The following DPP6 variants were observed in gnomAD, a reference collection of about 807,000 sequenced individuals.
DPP6 encodes dipeptidyl peptidase like 6.
Under a neutral mutation model 122.6 loss-of-function variants are expected in DPP6, and 69 were observed. The ratio of observed to expected loss-of-function variants is 0.56; its 90% CI spans 0.46 to 0.69. The LOEUF (loss-of-function observed/expected upper bound fraction) is 0.69. DPP6 is among the 30% of genes least tolerant of loss of function. The probability of loss-of-function intolerance (pLI) is 0.00; values close to 1 mark genes in which losing one functional copy is unlikely to be tolerated. For missense variants in DPP6, 928 were observed against 1,116.9 expected (o/e 0.83, Z 2.41); for synonymous variants, 418 against 433.1 (o/e 0.97, Z 0.43).
At chr7:153,764,113 CATCACAAATAG>C in the DPP6 span, among the ~76,000 whole-genome samples, 2 of 152,136 alleles carry the variant, frequency 1.3e-5, no homozygotes, top group Non-Finnish European at 1.5e-5. Context: ...GGCTCTTTTG[CATCACAAATAG>C]TATCATTTAC....
intron 7 of DPP6, among the ~76,000 whole-genome samples, chr7:154,682,425 T>C (rs1451475921): frequency 2.0e-5 from 3 of 152,210 alleles, no homozygotes; most frequent in African/African-American, 7.2e-5. Context: ...CTCCGCAGTG[T>C]CATAAGGAAC....
rs940047144 is a variant in DPP6, at chr7:154,728,984, G to C, written c.883+1097G>C. 8.5e-5 allele frequency among the ~76,000 whole-genome samples: 13 copies of C among 152,226 alleles called. 1 individual carries two copies. Among genetic ancestry groups the C allele is most frequent in the African/African-American group, 3.1e-4 (13 of 41,534 alleles). On this transcript the variant is annotated intron_variant, in intron 8 of 25. Transcript: ENST00000377770. Reference sequence around the variant, plus strand: ...ATTTGGGTTTCAATATATGAATTTGGGGGGACACAGACATTCAGTTCATAG... The same window carrying C: ...ATTTGGGTTTCAATATATGAATTTGCGGGGACACAGACATTCAGTTCATAG...
At position 154,875,873 on chromosome 7, in the gene DPP6, G is replaced by T; in HGVS notation, c.1884-33G>T. 6.3e-7 allele frequency: 1 copy of T among 1,584,660 alleles called. No homozygotes were observed. Among genetic ancestry groups the T allele is most frequent in the South Asian group, 1.1e-5 (1 of 87,446 alleles). On this transcript the variant is annotated intron_variant, in intron 19 of 25. Transcript: ENST00000377770. The surrounding 1 kb of genome is among the most constrained non-coding windows in gnomAD (Gnocchi z 4.5). ...TAGACCAGCCGCCACCCACCACGCA[G>T]CAGGCCTGCTGAGCCCGGGATTCTC... is the stretch of plus-strand genomic sequence containing the variant.
chr7:153,844,560 TA>T, the DPP6 span, among the ~76,000 whole-genome samples: 5 of 152,208 alleles, frequency 3.3e-5, no homozygotes, highest in African/African-American at 1.2e-4. Flanking sequence ...TTGATGATTT[TA>T]ACATGTCAGG....
At chr7:154,113,423 A>G (rs1271178942) in intron 1 of DPP6, among the ~76,000 whole-genome samples, 2 of 151,206 alleles carry the variant, frequency 1.3e-5, no homozygotes, top group South Asian at 2.1e-4. Flanking sequence ...ACACACACAC[A>G]CACACACATA....
chr7:154,375,182 G>A (rs776040096), intron 1 of DPP6, among the ~76,000 whole-genome samples: 12 of 152,116 alleles, frequency 7.9e-5, no homozygotes, highest in South Asian at 2.1e-4. Flanking sequence ...ACATTTGAGC[G>A]GAGGCTGGCG....
chr7:154,529,161 T>C (rs932164771), intron 3 of DPP6, among the ~76,000 whole-genome samples: 2 of 152,024 alleles, frequency 1.3e-5, no homozygotes, highest in African/African-American at 2.4e-5. Context: ...GGCAGAAACA[T>C]TGGAAATGAA....
At chr7:154,672,037 T>A (rs1185186524) in intron 7 of DPP6, among the ~76,000 whole-genome samples, 2 of 152,086 alleles carry the variant, frequency 1.3e-5, no homozygotes, top group Admixed American at 6.5e-5. Context: ...ACCTTTGAAT[T>A]ATTATAATCC....
intron 7 of DPP6, among the ~76,000 whole-genome samples, chr7:154,681,319 G>A (rs75846980): frequency 0.038 from 5,723 of 152,260 alleles, 147 homozygotes; most frequent in Non-Finnish European, 0.047. Context: ...CCCCACATCA[G>A]CCTCGGCAAT....
the DPP6 span, among the ~76,000 whole-genome samples, chr7:153,750,860 G>T: frequency 6.6e-6 from 1 of 152,164 alleles, no homozygotes; most frequent in Non-Finnish European, 1.5e-5. Context: ...AAATCCATTA[G>T]CTAGAAGGAA....
chr7:154,613,332 A>G (rs1834023535), intron 5 of DPP6, among the ~76,000 whole-genome samples: 1 of 152,120 alleles, frequency 6.6e-6, no homozygotes, highest in South Asian at 2.1e-4. Flanking sequence ...TATTTAACAG[A>G]TGAAGCAGGC....
At chr7:154,696,036 A>G (rs1324391693) in intron 7 of DPP6, among the ~76,000 whole-genome samples, 1 of 152,136 alleles carries the variant, frequency 6.6e-6, no homozygotes, top group African/African-American at 2.4e-5. Context: ...ACGGGCCTTG[A>G]AATCGGCCCC....
At chr7:154,654,406 T>TC (rs71266532) in intron 6 of DPP6, among the ~76,000 whole-genome samples, 1 of 117,144 alleles carries the variant, frequency 8.5e-6, no homozygotes. Flanking sequence ...TATCCAAATC[T>TC]TTCTTTCTTT....
At chr7:154,117,773 A>T (rs914621129) in intron 1 of DPP6, among the ~76,000 whole-genome samples, 10 of 151,646 alleles carry the variant, frequency 6.6e-5, no homozygotes, top group Non-Finnish European at 8.8e-5. Flanking sequence ...AATGCTGGAT[A>T]GGATGTAGGA....
chr7:153,925,034 G>T (rs1800825269), intron 1 of DPP6, among the ~76,000 whole-genome samples: 1 of 152,190 alleles, frequency 6.6e-6, no homozygotes, highest in African/African-American at 2.4e-5. Flanking sequence ...CCAGGGCCAG[G>T]TCAGAAGCCT....
chr7:154,782,253 T>C (rs1797072257), intron 10 of DPP6, among the ~76,000 whole-genome samples: 1 of 152,260 alleles, frequency 6.6e-6, no homozygotes, highest in Non-Finnish European at 1.5e-5. Flanking sequence ...GTAGCATTTC[T>C]TCCAGCTATC....
chr7:154,002,520 A>G (rs1217415472), intron 1 of DPP6, among the ~76,000 whole-genome samples: 7 of 152,234 alleles, frequency 4.6e-5, no homozygotes, highest in African/African-American at 1.7e-4. Context: ...TATCTAGGCT[A>G]TAGTAGGTAT....
At chr7:154,361,936 T>C (rs985593272) in intron 1 of DPP6, among the ~76,000 whole-genome samples, 3 of 152,338 alleles carry the variant, frequency 2.0e-5, no homozygotes, top group Admixed American at 1.3e-4. Context: ...TTGTCTGCCA[T>C]GATGGCTCAC....
intron 16 of DPP6, among the ~76,000 whole-genome samples, chr7:154,850,433 T>G (rs748137082): frequency 1.3e-5 from 2 of 152,152 alleles, no homozygotes; most frequent in Non-Finnish European, 2.9e-5. Flanking sequence ...TGGTAGTCTC[T>G]TTGTCTGGCT....
Sources: gnomAD v4.1 joint callset for allele counts (sites outside exome capture counted in the v4.1 genomes callset) on GRCh38, gnomAD v4.1.1 for gene constraint, Gnocchi (gnomAD v3.1) non-coding constraint, MANE v1.5 for transcripts, NCBI Gene and HGNC (gene_info 2026-07-23, HGNC 2026-07-21) for gene names.